The following GRM5 variants were observed in gnomAD, a reference collection of about 807,000 sequenced individuals.
The protein encoded by GRM5 is metabotropic glutamate receptor 5.
Under a neutral mutation model 83.1 loss-of-function variants are expected in GRM5, and 19 were observed. The ratio of observed to expected loss-of-function variants is 0.23; its 90% CI spans 0.16 to 0.34. The LOEUF (loss-of-function observed/expected upper bound fraction) is 0.34, where lower values mean the gene tolerates loss of function less well. Ranked by LOEUF, GRM5 falls within the 10% of genes least tolerant of loss-of-function variation. The probability of loss-of-function intolerance (pLI) is 1.00; values close to 1 mark genes in which losing one functional copy is unlikely to be tolerated. For missense variants in GRM5, 1,160 were observed against 1,588.3 expected, an observed-to-expected ratio of 0.73 and a Z score of 4.58; for synonymous variants, 675 against 633.6, an observed-to-expected ratio of 1.07 and a Z score of -0.98.
intron 2 of GRM5, among the ~76,000 whole-genome samples, chr11:88,929,362 CATCTTT>C: frequency 6.6e-6 from 1 of 152,182 alleles, no homozygotes; most frequent in South Asian, 2.1e-4. Context: ...ATTTACTTTT[CATCTTT>C]ATTATTAAAC....
In GRM5 at chr11:88,851,757, G is replaced by C. The variant is rs150845788; in HGVS notation, c.662-1602C>G. 6.3e-3 allele frequency among the ~76,000 whole-genome samples: 955 copies of C among 152,312 alleles called. 11 individuals are homozygous for C. The highest frequency in any genetic ancestry group is 0.022 in the African/African-American group (897 of 41,574). On this transcript the variant is annotated intron_variant, in intron 2 of 9. Transcript: ENST00000305447. ...TATCTCCATGAACAAACTGCAAAGGGCAGAGCAGAGCAGGTCAGCTTGAAT... is the reference window on the plus strand; with the variant it reads ...TATCTCCATGAACAAACTGCAAAGGCCAGAGCAGAGCAGGTCAGCTTGAAT...
At position 88,699,418 on chromosome 11, in the gene GRM5, G is replaced by A. The variant is rs79072424; in HGVS notation, c.912-46015C>T. On this transcript the variant is annotated intron_variant, in intron 3 of 9. Transcript: ENST00000305447. The stretch of plus-strand genomic sequence containing the variant: ...AAATGTGTGCAGTAGAAGCTGTGAG[G>A]TGCCATAAAGATTTCTCTTCAGGAC... Among the ~76,000 whole-genome samples the A allele has an allele frequency of 2.0e-5, 3 of 152,092 alleles. No individual in the cohort carries two copies. The East Asian group carries it at 5.8e-4, about 30-fold the overall frequency.
At chr11:88,716,751 T>G (rs1941409207) in intron 3 of GRM5, among the ~76,000 whole-genome samples, 1 of 151,960 alleles carries the variant, frequency 6.6e-6, no homozygotes, top group Admixed American at 6.6e-5. Flanking sequence ...CTCAGTTATA[T>G]TTAACCCATG....
intron 9 of GRM5, 80 bp downstream of exon 9, chr11:88,525,229 C>T (rs1941838334): frequency 1.2e-6 from 1 of 830,950 alleles, no homozygotes; most frequent in East Asian, 2.4e-5. Flanking sequence ...TGAGTGAGGA[C>T]CCAGACCAGG....
chr11:88,797,041 A>C (rs4105582), intron 3 of GRM5, among the ~76,000 whole-genome samples: 62,379 of 151,778 alleles, frequency 0.41, 14,723 homozygotes, highest in African/African-American at 0.62. Flanking sequence ...TAATGTATAC[A>C]AAATTAGTTT....
At chr11:89,053,188 G>A (rs1409070163) in intron 1 of GRM5, among the ~76,000 whole-genome samples, 1 of 152,074 alleles carries the variant, frequency 6.6e-6, no homozygotes, top group Non-Finnish European at 1.5e-5. Context: ...AGCTCATAGA[G>A]ACACAGAAGG....
At chr11:88,702,684 TAGA>T (rs2135374543) in intron 3 of GRM5, among the ~76,000 whole-genome samples, 1 of 152,216 alleles carries the variant, frequency 6.6e-6, no homozygotes, top group Admixed American at 6.5e-5. Context: ...TCCAGGACCT[TAGA>T]ATGTAATCAT....
At chr11:88,561,912 G>T (rs946500646) in intron 8 of GRM5, among the ~76,000 whole-genome samples, 1 of 152,022 alleles carries the variant, frequency 6.6e-6, no homozygotes, top group African/African-American at 2.4e-5. Context: ...TACCTCTGTT[G>T]TCTCCTTAGG....
chr11:88,670,008 T>G (rs1171390512), intron 3 of GRM5, among the ~76,000 whole-genome samples: 1 of 152,076 alleles, frequency 6.6e-6, no homozygotes, highest in African/African-American at 2.4e-5. Context: ...GAACAAAGTT[T>G]ATTTGAAAAA....
chr11:88,887,460 G>A (rs190714448), intron 2 of GRM5, among the ~76,000 whole-genome samples: 95 of 152,164 alleles, frequency 6.2e-4, no homozygotes, highest in African/African-American at 2.1e-3. Context: ...CACAAGTCTA[G>A]GAAGTCAAAG....
At chr11:89,023,477 C>T (rs1272208823) in intron 2 of GRM5, among the ~76,000 whole-genome samples, 1 of 152,102 alleles carries the variant, frequency 6.6e-6, no homozygotes, top group South Asian at 2.1e-4. Context: ...TAGTCCCAGA[C>T]ATACCAGGGT....
chr11:88,908,740 A>G (rs1055400084), intron 2 of GRM5, among the ~76,000 whole-genome samples: 10 of 152,138 alleles, frequency 6.6e-5, no homozygotes, highest in African/African-American at 2.4e-4. Context: ...TTTCCTCATT[A>G]TTCGACTGTG....
At chr11:88,535,655 T>C (rs1433384952) in intron 8 of GRM5, among the ~76,000 whole-genome samples, 1 of 152,218 alleles carries the variant, frequency 6.6e-6, no homozygotes, top group Non-Finnish European at 1.5e-5. Flanking sequence ...CTATCTGCTA[T>C]ACTTGGTTTC....
rs182171881 is a variant in GRM5, at chr11:88,690,488, A to T, written c.912-37085T>A. ...TTTTATTCATGCTGCTTTATTTTTT[A>T]AAAAAAAATGAGTTCTGAAATGAAT... On this transcript the variant is annotated intron_variant, in intron 3 of 9. Coordinates refer to ENST00000305447, the MANE Select transcript of GRM5 (RefSeq NM_001143831.3). 6.3e-3 allele frequency among the ~76,000 whole-genome samples: 928 copies of T among 146,558 alleles called. 7 individuals carry two copies. Among genetic ancestry groups the T allele is most frequent in the African/African-American group, 0.02 (733 of 36,640 alleles).
intron 3 of GRM5, among the ~76,000 whole-genome samples, chr11:88,660,525 CT>C (rs1325625562): frequency 1.3e-5 from 2 of 152,168 alleles, no homozygotes; most frequent in Non-Finnish European, 2.9e-5. Flanking sequence ...TAAGTACATT[CT>C]GTACCCAAAG....
At chr11:88,846,727 T>C (rs1442787520) in intron 3 of GRM5, among the ~76,000 whole-genome samples, 1 of 150,498 alleles carries the variant, frequency 6.6e-6, no homozygotes, top group Non-Finnish European at 1.5e-5. Flanking sequence ...AGCCATTCAT[T>C]CAAGTTGAAT....
intron 3 of GRM5, among the ~76,000 whole-genome samples, chr11:88,672,921 A>G (rs1940228310): frequency 6.6e-6 from 1 of 151,922 alleles, no homozygotes; most frequent in Non-Finnish European, 1.5e-5. Context: ...AAGACAGAGA[A>G]GTTACTGTAT....
At chr11:88,894,576 T>A (rs1945200960) in intron 2 of GRM5, among the ~76,000 whole-genome samples, 3 of 152,028 alleles carry the variant, frequency 2.0e-5, no homozygotes, top group African/African-American at 4.8e-5. Flanking sequence ...GGCACTAATC[T>A]TCAGAATTTC....
At chr11:88,540,460 C>A (rs1045203892) in intron 8 of GRM5, among the ~76,000 whole-genome samples, 1 of 151,948 alleles carries the variant, frequency 6.6e-6, no homozygotes, top group Non-Finnish European at 1.5e-5. Flanking sequence ...TATATACATG[C>A]GAGGGGTGAA....
Sources: gnomAD v4.1 joint callset for allele counts (sites outside exome capture counted in the v4.1 genomes callset) on GRCh38, gnomAD v4.1.1 for gene constraint, MANE v1.5 for transcripts, NCBI Gene and HGNC (gene_info 2026-07-23, HGNC 2026-07-21) for gene names.